Variants in CD47 observed in about 807,000 individuals in gnomAD.
The protein encoded by CD47 is leukocyte surface antigen CD47.
Under a neutral mutation model 44.6 loss-of-function variants are expected in CD47, and 11 were observed. The observed-to-expected ratio is 0.25, with a 90% confidence interval of 0.16 to 0.41. The LOEUF is 0.41. Among genes scored for constraint, CD47 ranks in the 10% least tolerant of loss-of-function variants. The pLI, the probability that CD47 is intolerant of heterozygous loss-of-function variation, is 1.00. For missense variants in CD47, 306 were observed against 386.7 expected, an observed-to-expected ratio of 0.79 and a Z score of 1.75; for synonymous variants, 140 against 136.3, an observed-to-expected ratio of 1.03 and a Z score of -0.19.
At chr3:108,068,738 A>G (rs1485231075) in intron 3 of CD47, among the ~76,000 whole-genome samples, 1 of 152,156 alleles carries the variant, frequency 6.6e-6, no homozygotes, top group Non-Finnish European at 1.5e-5. Context: ...GTCATTTCAG[A>G]TATAGAGTAC....
At chr3:108,061,104 C>T (rs1371554330) in intron 3 of CD47, among the ~76,000 whole-genome samples, 1 of 151,298 alleles carries the variant, frequency 6.6e-6, no homozygotes, top group African/African-American at 2.4e-5. Context: ...AGGTTCTATA[C>T]ATCAGTCTTT....
At chr3:108,058,242 TATATA>T (rs2078949043) in intron 6 of CD47, 90 bp downstream of exon 6, 2 of 693,758 alleles carry the variant, frequency 2.9e-6, no homozygotes, top group Non-Finnish European at 4.5e-6. Flanking sequence ...AAATCAAGTC[TATATA>T]TTTTTAAAAA....
At chr3:108,055,414 C>A (rs1371462372) in intron 7 of CD47, 1 of 575,228 alleles carries the variant, frequency 1.7e-6, no homozygotes, top group South Asian at 2.0e-5. Flanking sequence ...AAATTTGCAA[C>A]CTTAATGTTA....
intron 3 of CD47, among the ~76,000 whole-genome samples, chr3:108,066,209 C>T (rs1204522321): frequency 1.3e-5 from 2 of 151,198 alleles, no homozygotes; most frequent in Non-Finnish European, 1.5e-5. Flanking sequence ...GAGCCGTAAC[C>T]AAAATCTCTG....
At chr3:108,054,616 T>C (rs1325884165) in intron 7 of CD47, 1 of 152,254 alleles carries the variant, frequency 6.6e-6, no homozygotes, top group Non-Finnish European at 1.5e-5. Context: ...TCTTGATTTG[T>C]TCTTCTCTCC....
chr3:108,089,626 A>C (rs534855075), intron 1 of CD47, among the ~76,000 whole-genome samples: 1 of 152,282 alleles, frequency 6.6e-6, no homozygotes, highest in South Asian at 2.1e-4. Flanking sequence ...GGAAACACTA[A>C]CATCAACCAT....
At chr3:108,088,651 AAG>A (rs1464445079) in intron 1 of CD47, among the ~76,000 whole-genome samples, 1 of 152,178 alleles carries the variant, frequency 6.6e-6, no homozygotes, top group Non-Finnish European at 1.5e-5. Context: ...ATTTTGAACA[AAG>A]AGGAATCATT....
Position 108,080,051 on chromosome 3 carries a change from A to G in CD47, c.340T>C (p.Cys114Arg). The G allele has an allele frequency of 6.2e-7, 1 of 1,612,880 alleles. No individual in the cohort carries two copies. Among genetic ancestry groups the G allele is most frequent in the Non-Finnish European group, 8.5e-7 (1 of 1,179,140 alleles). The change falls in exon 2 of 11, where the codon TGT becomes CGT. Residue 114 changes from cysteine to arginine, a missense_variant. By Grantham distance (180) the Cys-to-Arg change is radical (BLOSUM62 -3). Around this residue, in one of 5 missense-constraint regions of CD47, gnomAD observed 47 missense variants for 36.2 expected, o/e 1.30. Transcript: ENST00000361309. The stretch of plus-strand genomic sequence containing the variant: ...TCTCTGGTTAATTCTGTTACTTCAC[A>G]AGTGTAGTTTCCTGTGTGTGAGACA... ...DAVSHTGNYT[C>R]EVTELTREGE...
At chr3:108,076,607 A>T (rs2079315892) in intron 2 of CD47, among the ~76,000 whole-genome samples, 2 of 152,296 alleles carry the variant, frequency 1.3e-5, no homozygotes, top group African/African-American at 4.8e-5. Context: ...CTATTTGTTA[A>T]ATGGTAAGAA....
rs1576995415 is a variant in CD47 at position 108,060,775 on chromosome 3, C to T, written c.568G>A (p.Val190Ile). The T allele has an allele frequency of 1.2e-6, 2 of 1,613,544 alleles. No homozygotes were observed. Among genetic ancestry groups the T allele is most frequent in the Non-Finnish European group, 1.7e-6 (2 of 1,179,522 alleles). Residue 190 changes from valine (V) to isoleucine (I), a missense_variant, in exon 4 of 11, where the codon GTC becomes ATC. Val to Ile is a conservative substitution (Grantham distance 29). Transcript: ENST00000361309. ...ACGAAAAGAATGGCTCCAACAATGA[C>T]AATGACAGTGATCACTAGTCCAGCA... ...LVAGLVITVI[V>I]IVGAILFVPG...
intron 3 of CD47, among the ~76,000 whole-genome samples, chr3:108,065,063 A>G (rs147258571): frequency 0.011 from 1,711 of 152,344 alleles, 32 homozygotes; most frequent in African/African-American, 0.039. Flanking sequence ...AATACCAATT[A>G]TAAAATTACT....
chr3:108,089,368 C>CCT (rs2079583892), intron 1 of CD47, among the ~76,000 whole-genome samples: 1 of 152,206 alleles, frequency 6.6e-6, no homozygotes, highest in South Asian at 2.1e-4. Flanking sequence ...AATCCTATCA[C>CCT]TCAAAGTACC....
chr3:108,064,375 T>C (rs1469227677), intron 3 of CD47, among the ~76,000 whole-genome samples: 1 of 152,204 alleles, frequency 6.6e-6, no homozygotes, highest in Non-Finnish European at 1.5e-5. Flanking sequence ...TTTATGCATT[T>C]AATCTTTCAA....
chr3:108,061,144 C>G (rs2079007853), intron 3 of CD47, among the ~76,000 whole-genome samples: 2 of 149,880 alleles, frequency 1.3e-5, no homozygotes, highest in African/African-American at 4.9e-5. Context: ...ATAAATTGAG[C>G]TAGATAAGTT....
chr3:108,050,961 C>A, intron 8 of CD47: 1 of 247,646 alleles, frequency 4.0e-6, no homozygotes, highest in African/African-American at 2.3e-5. Flanking sequence ...AAAACAGAAT[C>A]ATCTTTAAGT....
chr3:108,075,912 G>A (rs2079302480), intron 2 of CD47, among the ~76,000 whole-genome samples: 1 of 152,190 alleles, frequency 6.6e-6, no homozygotes, highest in Admixed American at 6.5e-5. Context: ...CTTTAAATAT[G>A]CAAGGGGCCA....
In CD47 at chr3:108,058,357, C is replaced by T. The variant is rs1417394052; in HGVS notation, c.764G>A (p.Gly255Glu). The T allele has an allele frequency of 1.3e-6, 2 of 1,562,180 alleles. No individual in the cohort carries two copies. The highest frequency in any genetic ancestry group is 1.7e-6 in the Non-Finnish European group (2 of 1,151,510). Residue 255 changes from glycine to glutamate, a missense_variant, in exon 6 of 11, where the codon GGA (glycine) becomes GAA (glutamate). This residue lies in a region of CD47 where 131 missense variants were observed against 135.3 expected (regional missense o/e 0.97). Transcript: ENST00000361309. ...QVIAYILAVV[G>E]LSLCIAACIP... ...CTTACCCGCAATACAGAGACTCAGT[C>T]CAACCACAGCGAGGATATAGGCTAT...
chr3:108,061,420 G>A (rs1423403841), intron 3 of CD47, among the ~76,000 whole-genome samples: 1 of 151,870 alleles, frequency 6.6e-6, no homozygotes, highest in Non-Finnish European at 1.5e-5. Flanking sequence ...TAAACAATCT[G>A]GAAATCTAGT....
chr3:108,060,096 C>A (rs1460140046), intron 4 of CD47, among the ~76,000 whole-genome samples: 2 of 152,226 alleles, frequency 1.3e-5, no homozygotes, highest in African/African-American at 4.8e-5. Context: ...CCTCCAAATG[C>A]AACTGCCAAT....
Sources: allele counts gnomAD v4.1 joint callset (sites outside exome capture counted in the v4.1 genomes callset), GRCh38; gene constraint gnomAD v4.1.1; regional missense constraint gnomAD v4.1.1; transcripts MANE v1.5; gene names NCBI Gene and HGNC (gene_info 2026-07-23, HGNC 2026-07-21).